CLSTN2: variants seen among roughly 807,000 people sequenced by gnomAD.
CLSTN2 encodes the protein calsyntenin 2, also known as calsyntenin-2.
CLSTN2 carries 48 observed loss-of-function variants against 101.2 expected under a neutral mutation model. The ratio of observed to expected loss-of-function variants is 0.47; its 90% CI spans 0.38 to 0.60. The LOEUF is 0.60. CLSTN2 is among the 20% of genes least tolerant of loss of function. The pLI is 0.00. For missense variants in CLSTN2, 1,160 were observed against 1,238.2 expected, an observed-to-expected ratio of 0.94 and a Z score of 0.95; for synonymous variants, 481 against 463.6, an observed-to-expected ratio of 1.04 and a Z score of -0.48.
At chr3:140,041,061 C>T (rs768983633) in intron 1 of CLSTN2, among the ~76,000 whole-genome samples, 71 of 152,260 alleles carry the variant, frequency 4.7e-4, no homozygotes, top group Middle Eastern at 6.8e-3. Flanking sequence ...TATCTTTCAC[C>T]GGAGCTTCTG....
chr3:140,495,874 G>A (rs893222594), intron 8 of CLSTN2, among the ~76,000 whole-genome samples: 10 of 152,168 alleles, frequency 6.6e-5, no homozygotes, highest in African/African-American at 2.2e-4. Context: ...TACCCTTGTA[G>A]TATAGTTTGA....
chr3:140,078,109 C>G (rs1467539773), intron 1 of CLSTN2, among the ~76,000 whole-genome samples: 2 of 152,148 alleles, frequency 1.3e-5, no homozygotes, highest in Non-Finnish European at 2.9e-5. Context: ...GAGGCTCCCT[C>G]TAGCCCACTT....
intron 2 of CLSTN2, among the ~76,000 whole-genome samples, chr3:140,344,583 G>A (rs1169611599): frequency 2.6e-5 from 4 of 152,046 alleles, no homozygotes; most frequent in African/African-American, 9.7e-5. Context: ...CCCTCCCACT[G>A]GGGGTCCAAC....
Position 140,544,467 on chromosome 3 carries a change from G to A in CLSTN2, c.1508-2048G>A, listed in dbSNP as rs185280355. Among the ~76,000 whole-genome samples the A allele has an allele frequency of 2.8e-4, 42 of 152,228 alleles. No homozygotes were observed. The East Asian group carries it at 7.7e-3, about 28-fold the overall frequency. On this transcript the variant is annotated intron_variant, in intron 9 of 16. Transcript: ENST00000458420. ...GGTTCTTAACCTTGACTTCACATTC[G>A]ATTCACCTGAGAAGCTTTTAAAACT...
At chr3:140,108,221 C>A (rs1029812249) in intron 1 of CLSTN2, among the ~76,000 whole-genome samples, 2 of 152,334 alleles carry the variant, frequency 1.3e-5, no homozygotes, top group South Asian at 2.1e-4. Context: ...CCATTTCCAA[C>A]CTTCAGTCAT....
At chr3:139,986,037 T>C (rs978410253) in intron 1 of CLSTN2, among the ~76,000 whole-genome samples, 10 of 152,330 alleles carry the variant, frequency 6.6e-5, no homozygotes, top group African/African-American at 2.2e-4. Flanking sequence ...TAACTATTCC[T>C]GATTATCTAG....
chr3:139,985,507 G>A (rs1236729029), intron 1 of CLSTN2, among the ~76,000 whole-genome samples: 1 of 152,050 alleles, frequency 6.6e-6, no homozygotes, highest in Non-Finnish European at 1.5e-5. Context: ...GGTGTCTATG[G>A]GTGTGTATGT....
chr3:140,397,791 A>G (rs764729855), intron 2 of CLSTN2, among the ~76,000 whole-genome samples: 1 of 152,362 alleles, frequency 6.6e-6, no homozygotes, highest in Middle Eastern at 3.4e-3. Flanking sequence ...ACGTTGTTAC[A>G]TTAAAATCCA....
chr3:140,239,499 A>T (rs1032553462), intron 2 of CLSTN2, among the ~76,000 whole-genome samples: 5 of 152,204 alleles, frequency 3.3e-5, no homozygotes, highest in African/African-American at 1.2e-4. Flanking sequence ...TGCATACTTA[A>T]AAATGATAAT....
chr3:140,176,365 G>T (rs2010325358), intron 2 of CLSTN2, among the ~76,000 whole-genome samples: 1 of 152,144 alleles, frequency 6.6e-6, no homozygotes, highest in Non-Finnish European at 1.5e-5. Context: ...GGAGAAGTTG[G>T]GCTAGTAAGG....
intron 1 of CLSTN2, among the ~76,000 whole-genome samples, chr3:140,103,205 C>G (rs2008997130): frequency 6.6e-6 from 1 of 152,094 alleles, no homozygotes; most frequent in Admixed American, 6.5e-5. Context: ...CTGGGCAGAA[C>G]AACTGGAGAT....
chr3:140,192,114 TA>T (rs1016335652), intron 2 of CLSTN2, among the ~76,000 whole-genome samples: 64 of 152,146 alleles, frequency 4.2e-4, no homozygotes, highest in African/African-American at 1.5e-3. Context: ...GCAAAGTTGC[TA>T]AATGTTTGGA....
intron 1 of CLSTN2, among the ~76,000 whole-genome samples, chr3:140,137,991 A>C (rs1214035882): frequency 6.6e-6 from 1 of 152,152 alleles, no homozygotes; most frequent in Non-Finnish European, 1.5e-5. Context: ...AGTAACATGC[A>C]CAGAACCATA....
rs544509948 is a variant in CLSTN2 at position 140,479,487 on chromosome 3, G to A, written c.1344+12756G>A. Among the ~76,000 whole-genome samples, 3 of 152,186 alleles carry A rather than the reference G, an allele frequency of 2.0e-5. No homozygotes were observed. In the East Asian group the frequency reaches 5.8e-4, roughly 29 times the overall value. On this transcript the variant is annotated intron_variant, in intron 8 of 16. Transcript: ENST00000458420. ...GAGGAAACAGGAAAATGTGACCTAA[G>A]GTCCAGAGTAAAATCATTCAAGAGA...
chr3:140,115,042 A>G (rs974431356), intron 1 of CLSTN2, among the ~76,000 whole-genome samples: 1 of 152,302 alleles, frequency 6.6e-6, no homozygotes, highest in East Asian at 1.9e-4. Flanking sequence ...CTTTTGCCCA[A>G]CCAACACTTT....
At chr3:140,500,181 C>A (rs1367730562) in intron 8 of CLSTN2, among the ~76,000 whole-genome samples, 1 of 152,156 alleles carries the variant, frequency 6.6e-6, no homozygotes, top group Non-Finnish European at 1.5e-5. Flanking sequence ...GCTTGTAAGC[C>A]TTGAGGACTT....
intron 1 of CLSTN2, among the ~76,000 whole-genome samples, chr3:140,034,289 A>G (rs1417472025): frequency 6.6e-6 from 1 of 152,200 alleles, no homozygotes; most frequent in Non-Finnish European, 1.5e-5. Context: ...GAGGGAGTCT[A>G]TGGTAGTGGA....
chr3:140,503,029 C>T (rs976748804), intron 8 of CLSTN2, among the ~76,000 whole-genome samples: 1 of 152,184 alleles, frequency 6.6e-6, no homozygotes. Context: ...CAGTTTACAA[C>T]ACGCCATGGC....
intron 1 of CLSTN2, among the ~76,000 whole-genome samples, chr3:140,051,242 G>A (rs1014509947): frequency 2.0e-5 from 3 of 152,208 alleles, no homozygotes; most frequent in Admixed American, 6.5e-5. Context: ...TCAGAGAGAG[G>A]CTGTCTGGAG....
Sources: allele counts gnomAD v4.1 joint callset (sites outside exome capture counted in the v4.1 genomes callset), GRCh38; gene constraint gnomAD v4.1.1; transcripts MANE v1.5; gene names NCBI Gene and HGNC (gene_info 2026-07-23, HGNC 2026-07-21).